MEGF10: variants seen among roughly 807,000 people sequenced by gnomAD.
MEGF10 encodes the protein multiple epidermal growth factor-like domains protein 10.
Under a neutral mutation model 147.5 loss-of-function variants are expected in MEGF10, and 86 were observed. The ratio of observed to expected loss-of-function variants is 0.58; its 90% CI spans 0.49 to 0.70. The LOEUF is 0.70. Ranked by LOEUF, MEGF10 falls within the 30% of genes least tolerant of loss-of-function variation. MEGF10 has a pLI of 0.00. For synonymous variants in MEGF10, 478 were observed against 525.5 expected (o/e 0.91, Z 1.24); for missense variants, 1,329 against 1,487.3 (o/e 0.89, Z 1.75).
the MEGF10 span, among the ~76,000 whole-genome samples, chr5:127,237,579 T>C: frequency 6.6e-6 from 1 of 152,126 alleles, no homozygotes; most frequent in African/African-American, 2.4e-5. Context: ...GAAAACATGC[T>C]ATGTGTGTTT....
intron 1 of MEGF10, among the ~76,000 whole-genome samples, chr5:127,321,409 TTGTGTGTATGTG>T (rs771007824): frequency 6.6e-5 from 10 of 151,956 alleles, no homozygotes; most frequent in Non-Finnish European, 1.2e-4. Context: ...CAGGGTGTGT[TTGTGTGTATGTG>T]TGTGTGTATG....
At chr5:127,325,848 T>C (rs1313025497) in intron 1 of MEGF10, among the ~76,000 whole-genome samples, 1 of 131,100 alleles carries the variant, frequency 7.6e-6, no homozygotes, top group East Asian at 1.9e-4. Context: ...TATATACATA[T>C]ATGTGTGTAT....
rs1314280131 is a variant in MEGF10, at chr5:127,316,124, G to C, written c.-18-15167G>C. ...AGTGCAACAAAAGTCTGCCATATAA[G>C]TTTGGTGCCATTGCACCTTTGCTCT... On this transcript the variant is annotated intron_variant, in intron 1 of 24. Transcript: ENST00000503335. Among the ~76,000 whole-genome samples, 9 of 152,218 alleles carry C rather than the reference G, an allele frequency of 5.9e-5. No homozygotes were observed. The East Asian group carries it at 1.7e-3, about 29-fold the overall frequency.
chr5:127,247,414 A>T, the MEGF10 span, among the ~76,000 whole-genome samples: 3 of 78,420 alleles, frequency 3.8e-5, no homozygotes, highest in Non-Finnish European at 2.5e-5. Flanking sequence ...GAAGAAGAAG[A>T]AGAAGAAGAA....
chr5:127,264,730 A>T, the MEGF10 span, among the ~76,000 whole-genome samples: 2 of 152,186 alleles, frequency 1.3e-5, no homozygotes, highest in Non-Finnish European at 2.9e-5. Context: ...TAAATACATG[A>T]TAAAAACAAT....
intron 5 of MEGF10, among the ~76,000 whole-genome samples, chr5:127,390,129 T>A (rs1346467089): frequency 1.3e-5 from 2 of 152,230 alleles, no homozygotes; most frequent in Non-Finnish European, 1.5e-5. Context: ...TACCCACTGA[T>A]GCCATTTCAC....
At chr5:127,238,746 C>A in the MEGF10 span, among the ~76,000 whole-genome samples, 1 of 152,166 alleles carries the variant, frequency 6.6e-6, no homozygotes, top group South Asian at 2.1e-4. Context: ...TATTTATGAT[C>A]TATAACCACC....
At chr5:127,387,591 C>T (rs1763479670) in intron 5 of MEGF10, among the ~76,000 whole-genome samples, 1 of 152,156 alleles carries the variant, frequency 6.6e-6, no homozygotes, top group Non-Finnish European at 1.5e-5. Context: ...TTGGGGTGTT[C>T]AGCGTGGCAT....
chr5:127,294,551 C>T (rs1759408561), intron 1 of MEGF10, among the ~76,000 whole-genome samples: 3 of 152,106 alleles, frequency 2.0e-5, no homozygotes, highest in Admixed American at 2.0e-4. Context: ...GTAATCCCAG[C>T]ACTTTGTGAG....
At chr5:127,394,468 T>G (rs896591771) in intron 5 of MEGF10, among the ~76,000 whole-genome samples, 3 of 152,172 alleles carry the variant, frequency 2.0e-5, no homozygotes, top group Admixed American at 6.5e-5. Flanking sequence ...TCATACGGAA[T>G]GATTTTTCTT....
chr5:127,409,725 T>A (rs561975776), intron 8 of MEGF10: 2 of 153,262 alleles, frequency 1.3e-5, no homozygotes, highest in African/African-American at 4.8e-5. Flanking sequence ...AGCCAAACAT[T>A]TCGTGTTAGA....
intron 1 of MEGF10, among the ~76,000 whole-genome samples, chr5:127,326,241 A>G (rs1443818008): frequency 6.6e-6 from 1 of 151,930 alleles, no homozygotes; most frequent in Non-Finnish European, 1.5e-5. Context: ...TGGTAGGCAC[A>G]CTCATTTAAC....
At chr5:127,229,415 G>T in the MEGF10 span, 1 of 152,084 alleles carries the variant, frequency 6.6e-6, no homozygotes, top group Non-Finnish European at 1.5e-5. Context: ...CGCCAGCCTC[G>T]TCCTCGCGCC....
At chr5:127,365,879 A>G (rs1439639102) in intron 4 of MEGF10, among the ~76,000 whole-genome samples, 1 of 152,166 alleles carries the variant, frequency 6.6e-6, no homozygotes, top group Non-Finnish European at 1.5e-5. Context: ...GGAATAAAAT[A>G]TCTATTCCCA....
the MEGF10 span, among the ~76,000 whole-genome samples, chr5:127,253,780 T>C: frequency 2.6e-5 from 4 of 151,958 alleles, no homozygotes; most frequent in Admixed American, 6.6e-5. Flanking sequence ...AATGATAAAC[T>C]TTTTTTGAGA....
intron 4 of MEGF10, among the ~76,000 whole-genome samples, chr5:127,349,448 A>G (rs1471145962): frequency 1.3e-5 from 2 of 152,164 alleles, no homozygotes; most frequent in African/African-American, 4.8e-5. Flanking sequence ...TATCTTTAGA[A>G]CATTTTTGTC....
intron 1 of MEGF10, among the ~76,000 whole-genome samples, chr5:127,300,466 T>C (rs1462221199): frequency 6.6e-6 from 1 of 152,206 alleles, no homozygotes; most frequent in East Asian, 1.9e-4. Flanking sequence ...GGACTTAGTT[T>C]TGTGTCAGAA....
At chr5:127,401,188 T>C (rs1032664359) in intron 7 of MEGF10, among the ~76,000 whole-genome samples, 2 of 152,210 alleles carry the variant, frequency 1.3e-5, no homozygotes, top group African/African-American at 2.4e-5. Flanking sequence ...GTCATGCTTT[T>C]ACCTCACATT....
Position 127,343,169 on chromosome 5 carries a change from T to C in MEGF10, c.319+2539T>C, listed in dbSNP as rs76364636. Among the ~76,000 whole-genome samples, 670 of 152,284 alleles carry C rather than the reference T, an allele frequency of 4.4e-3. 6 individuals are homozygous for C. The highest frequency in any genetic ancestry group is 0.016 in the African/African-American group (656 of 41,574). ...TTTTGCTGCCAGACAGATAACATGG[T>C]CACCTTTCTTAACTGTTTCCAGTCA... On this transcript the variant is annotated intron_variant, in intron 4 of 24. Coordinates refer to ENST00000503335, the MANE Select transcript of MEGF10 (RefSeq NM_001256545.2).
Sources: allele counts gnomAD v4.1 joint callset (sites outside exome capture counted in the v4.1 genomes callset), GRCh38; gene constraint gnomAD v4.1.1; transcripts MANE v1.5; gene names NCBI Gene and HGNC (gene_info 2026-07-23, HGNC 2026-07-21).